MROH2B: variants seen among roughly 807,000 people sequenced by gnomAD.
The protein encoded by MROH2B is maestro heat-like repeat-containing protein family member 2B.
Under a neutral mutation model 208.6 loss-of-function variants are expected in MROH2B, and 177 were observed. The observed-to-expected ratio is 0.85, with a 90% CI of 0.75 to 0.96. The LOEUF is 0.96. Ranked by LOEUF, MROH2B falls within the 40% of genes least tolerant of loss-of-function variation. The pLI, the probability that MROH2B is intolerant of heterozygous loss-of-function variation, is 0.00. For synonymous variants in MROH2B, 728 were observed against 659.0 expected, an observed-to-expected ratio of 1.10 and a Z score of -1.60; for missense variants, 2,002 against 1,878.7, an observed-to-expected ratio of 1.07 and a Z score of -1.21.
chr5:41,033,826 TA>T lies in MROH2B; in HGVS notation c.2241+11del, dbSNP rs754486626. ...CTATCTATCTATCTATCTATCTATC[TA>T]TCTCTCCTACCTTGTTCATCACAGA... On this transcript the variant is annotated intron_variant, in intron 22 of 41. Coordinates refer to ENST00000399564, the MANE Select transcript of MROH2B (RefSeq NM_173489.5). The T allele has an allele frequency of 1.3e-5, 19 of 1,504,332 alleles. No individual in the cohort carries two copies. In the South Asian group the frequency reaches 2.3e-4, roughly 18 times the overall value. The allele number at this position is 1,504,332 out of a possible 1,614,324, so 93.2% of individuals were successfully genotyped here.
At chr5:41,002,784 T>A (rs1446689525) in intron 37 of MROH2B, among the ~76,000 whole-genome samples, 1 of 152,266 alleles carries the variant, frequency 6.6e-6, no homozygotes, top group East Asian at 1.9e-4. Context: ...TTAAGTGGAC[T>A]TGTGATTTAC....
chr5:41,020,961 A>T (rs982499755), intron 24 of MROH2B, among the ~76,000 whole-genome samples: 1 of 152,204 alleles, frequency 6.6e-6, no homozygotes, highest in Admixed American at 6.5e-5. Flanking sequence ...TAGGCAAGGA[A>T]AAATTAAAAA....
chr5:41,033,059 C>T lies in MROH2B; in HGVS notation c.2343G>A (p.Met781Ile). Residue 781 changes from methionine (M) to isoleucine (I), a missense_variant, in exon 23 of 42, where the codon ATG (methionine) becomes ATA (isoleucine). Met to Ile is a conservative substitution (Grantham distance 10). Coordinates refer to ENST00000399564, the MANE Select transcript of MROH2B (RefSeq NM_173489.5). Reference sequence around the variant, plus strand: ...CACTCACCAGCATGTAACCAATCAGCATCTCCTTGTAGGAAAACTGGAACC... The same window carrying T: ...CACTCACCAGCATGTAACCAATCAGTATCTCCTTGTAGGAAAACTGGAACC... ...DQGFQFSYKE[M>I]LIGYMLDFIR... The T allele has an allele frequency of 6.2e-7, 1 of 1,613,054 alleles. No individual in the cohort carries two copies. The highest frequency in any genetic ancestry group is 1.7e-4 in the Middle Eastern group (1 of 6,052).
At chr5:41,027,062 C>T (rs1025312702) in intron 24 of MROH2B, among the ~76,000 whole-genome samples, 6 of 152,058 alleles carry the variant, frequency 3.9e-5, no homozygotes, top group Non-Finnish European at 7.4e-5. Flanking sequence ...GACTTAAATG[C>T]TAGACGTAAA....
At chr5:41,006,510 A>T (rs112267139) in intron 34 of MROH2B, among the ~76,000 whole-genome samples, 1 of 152,254 alleles carries the variant, frequency 6.6e-6, no homozygotes, top group Non-Finnish European at 1.5e-5. Context: ...AAAAGAAATC[A>T]TTATACAAAA....
At chr5:41,026,440 C>T (rs58911791) in intron 24 of MROH2B, among the ~76,000 whole-genome samples, 4,710 of 152,200 alleles carry the variant, frequency 0.031, 79 homozygotes, top group East Asian at 0.046. Context: ...TTCACAATTG[C>T]TTCAAAGAGA....
At chr5:41,058,546 C>T (rs979503300) in intron 6 of MROH2B, among the ~76,000 whole-genome samples, 2 of 152,168 alleles carry the variant, frequency 1.3e-5, no homozygotes, top group East Asian at 3.9e-4. Flanking sequence ...CAACCTCCGC[C>T]TCCCAGATTC....
rs138672503 is a variant in MROH2B at position 41,019,971 on chromosome 5, T to A, written c.2442-953A>T. On this transcript the variant is annotated intron_variant, in intron 24 of 41. Transcript: ENST00000399564. Reference sequence around the variant, plus strand: ...TGATACTCTATTTTTTTTTCTATGCTCCTTTGCAGGTTATCTTTTCCTCCC... The same window carrying A: ...TGATACTCTATTTTTTTTTCTATGCACCTTTGCAGGTTATCTTTTCCTCCC... 3.6e-3 allele frequency among the ~76,000 whole-genome samples: 550 copies of A among 152,288 alleles called. 3 individuals are homozygous for A. The highest frequency in any genetic ancestry group is 0.013 in the African/African-American group (532 of 41,568).
chr5:41,058,826 C>A (rs952456146), intron 6 of MROH2B, among the ~76,000 whole-genome samples: 37 of 152,026 alleles, frequency 2.4e-4, no homozygotes, highest in African/African-American at 8.9e-4. Context: ...GCAGGCGGAT[C>A]GCCTGAGGTT....
At chr5:41,012,465 T>A (rs1741803592) in intron 30 of MROH2B, 118 bp downstream of exon 30, 1 of 1,088,444 alleles carries the variant, frequency 9.2e-7, no homozygotes, top group African/African-American at 1.6e-5. Flanking sequence ...TGAGGCCTCT[T>A]GAGGTTGTGC....
chr5:41,055,051 A>T (rs1743403153), intron 10 of MROH2B, among the ~76,000 whole-genome samples: 1 of 152,088 alleles, frequency 6.6e-6, no homozygotes. Flanking sequence ...CATTTGTTTC[A>T]TTTTGTTTAA....
intron 12 of MROH2B, among the ~76,000 whole-genome samples, chr5:41,052,190 T>G (rs1378305580): frequency 1.5e-5 from 2 of 134,280 alleles, no homozygotes; most frequent in Non-Finnish European, 3.2e-5. Context: ...GTGTTTATTA[T>G]AAGTTAGAGG....
intron 24 of MROH2B, among the ~76,000 whole-genome samples, chr5:41,030,740 CA>C (rs1212267432): frequency 6.6e-6 from 1 of 152,046 alleles, no homozygotes. Context: ...GTTACTGAAA[CA>C]GCATGGCACT....
At chr5:41,061,017 T>C (rs934048278) in intron 6 of MROH2B, among the ~76,000 whole-genome samples, 3 of 152,216 alleles carry the variant, frequency 2.0e-5, no homozygotes, top group Non-Finnish European at 4.4e-5. Flanking sequence ...AATATACTTT[T>C]AAAGCAAGAT....
rs1484342950 is a variant in MROH2B, at chr5:41,049,130, A to G, written c.1513T>C (p.Ser505Pro). 2 of 1,600,868 alleles carry G rather than the reference A, an allele frequency of 1.2e-6. No individual in the cohort carries two copies. The highest frequency in any genetic ancestry group is 1.7e-6 in the Non-Finnish European group (2 of 1,173,002). ...VVSTGAVKLP[S>P]PQQLLARLLV... is the part of the protein sequence containing the mutation. ...AGTCTGGCCAGTAGCTGCTGTGGTG[A>G]AGGAAGTTTCACTAGAAAGAGAAAG... Residue 505 changes from serine to proline, a missense_variant, in exon 15 of 42, where the codon TCA becomes CCA. By Grantham distance (74) the Ser-to-Pro change is moderately conservative. Coordinates refer to ENST00000399564, the MANE Select transcript of MROH2B (RefSeq NM_173489.5).
Position 41,012,580 on chromosome 5 carries a change from C to T in MROH2B, c.3135+3G>A, listed in dbSNP as rs866377709. 1 of 1,606,120 alleles carries T rather than the reference C, an allele frequency of 6.2e-7. No individual in the cohort carries two copies. Among genetic ancestry groups the T allele is most frequent in the Non-Finnish European group, 8.5e-7 (1 of 1,177,726 alleles). On this transcript the variant is annotated splice_donor_region_variant and intron_variant, in intron 30 of 41. Coordinates refer to ENST00000399564, the MANE Select transcript of MROH2B (RefSeq NM_173489.5). ...CAGTTGTTAAAACTGGCTATCAGTT[C>T]ACCTGATCTTCCAGAGCAGCTCCCT... is the stretch of plus-strand genomic sequence containing the variant.
At position 41,018,725 on chromosome 5, in the gene MROH2B, T is replaced by C. The variant is rs377580116; in HGVS notation, c.2639A>G (p.Asn880Ser). 9.3e-6 allele frequency: 15 copies of C among 1,613,848 alleles called. No individual in the cohort carries two copies. The highest frequency in any genetic ancestry group is 1.2e-5 in the Non-Finnish European group (14 of 1,179,882). Residue 880 changes from asparagine to serine, a missense_variant, in exon 26 of 42, where the codon AAT becomes AGT. By Grantham distance (46) the Asn-to-Ser change is conservative. Transcript: ENST00000399564. The part of the protein sequence containing the change: ...GKLLKTMMWD[N>S]VNAEDCQEMF... The stretch of plus-strand genomic sequence containing the variant: ...TTCTTGACAGTCCTCTGCATTCACA[T>C]TATCCCACATCATGGTCTTCAGAAG...
At chr5:40,999,887 C>T in intron 39 of MROH2B, 108 bp from the exon 40 acceptor site, 2 of 929,430 alleles carry the variant, frequency 2.2e-6, no homozygotes, top group Non-Finnish European at 3.3e-6. Context: ...TGAGCACTCA[C>T]ACAGCCATAA....
chr5:41,055,217 T>C (rs1416140811), intron 10 of MROH2B, among the ~76,000 whole-genome samples: 1 of 152,212 alleles, frequency 6.6e-6, no homozygotes, highest in Non-Finnish European at 1.5e-5. Context: ...AATGAATTTT[T>C]GTATTTTAGC....
Sources: gnomAD v4.1 joint callset for allele counts (sites outside exome capture counted in the v4.1 genomes callset) on GRCh38, gnomAD v4.1.1 for gene constraint, MANE v1.5 for transcripts, NCBI Gene and HGNC (gene_info 2026-07-23, HGNC 2026-07-21) for gene names.